The following ANAPC1 variants were observed in gnomAD, a reference collection of about 807,000 sequenced individuals.
The protein encoded by ANAPC1 is anaphase-promoting complex subunit 1.
ANAPC1 carries 36 observed loss-of-function variants against 208.0 expected under a neutral mutation model. The ratio of observed to expected loss-of-function variants is 0.17; its 90% CI spans 0.13 to 0.23. The LOEUF is 0.23. Among genes scored for constraint, ANAPC1 ranks in the 10% least tolerant of loss-of-function variants. The pLI, the probability that ANAPC1 is intolerant of heterozygous loss-of-function variation, is 1.00. For missense variants in ANAPC1, 942 were observed against 2,011.6 expected, an observed-to-expected ratio of 0.47 and a Z score of 10.17; for synonymous variants, 378 against 695.2, an observed-to-expected ratio of 0.54 and a Z score of 7.18.
chr2:111,846,928 C>T (rs1444295204), intron 16 of ANAPC1, among the ~76,000 whole-genome samples: 2 of 152,082 alleles, frequency 1.3e-5, no homozygotes, highest in Non-Finnish European at 2.9e-5. Flanking sequence ...CCTCAGGGAA[C>T]AGAACTAGCA....
chr2:111,820,244 A>G (rs1679452091), intron 26 of ANAPC1, among the ~76,000 whole-genome samples: 1 of 152,114 alleles, frequency 6.6e-6, no homozygotes, highest in Non-Finnish European at 1.5e-5. Flanking sequence ...CTATGTATTG[A>G]GCAGTATTCT....
At chr2:111,781,073 G>C (rs1164373951) in intron 43 of ANAPC1, among the ~76,000 whole-genome samples, 2 of 150,006 alleles carry the variant, frequency 1.3e-5, no homozygotes, top group African/African-American at 4.9e-5. Flanking sequence ...ACAATAAATT[G>C]TGTGCATTTT....
chr2:111,882,900 G>A (rs1239221304), intron 1 of ANAPC1, among the ~76,000 whole-genome samples: 1 of 152,066 alleles, frequency 6.6e-6, no homozygotes, highest in South Asian at 2.1e-4. Flanking sequence ...GGGCGTGGTG[G>A]CTCACGCCTG....
chr2:111,777,445 C>T (rs1677052727), intron 45 of ANAPC1, among the ~76,000 whole-genome samples: 1 of 151,362 alleles, frequency 6.6e-6, no homozygotes, highest in Non-Finnish European at 1.5e-5. Context: ...TAATACTGCC[C>T]TTGAGATCCA....
intron 47 of ANAPC1, chr2:111,771,089 C>T (rs1472864189): frequency 1.3e-5 from 2 of 150,868 alleles, no homozygotes; most frequent in African/African-American, 4.9e-5. Flanking sequence ...GTCAAGTCTG[C>T]TTGGAGTGAA....
At chr2:111,880,532 A>T in intron 2 of ANAPC1, 81 bp downstream of exon 2, 1 of 1,490,918 alleles carries the variant, frequency 6.7e-7, no homozygotes, top group Non-Finnish European at 8.9e-7. Flanking sequence ...CCGATCTCTC[A>T]GTTGCATCTT....
At chr2:111,868,290 T>TA (rs755984714) in intron 6 of ANAPC1, among the ~76,000 whole-genome samples, 194 bp from the exon 7 acceptor site, 2 of 152,170 alleles carry the variant, frequency 1.3e-5, no homozygotes, top group African/African-American at 2.4e-5. Context: ...TCTCTCCCCT[T>TA]AGAGTAATTC....
At position 111,825,086 on chromosome 2, in the gene ANAPC1, T is replaced by A. The variant is rs778473928; in HGVS notation, c.2741+45A>T. ...TATTAAGCAGAACAGTAAATAATAT[T>A]GTTTTAAGTGTTTGACATAAAAGCA... is the stretch of plus-strand genomic sequence containing the variant. On this transcript the variant is annotated intron_variant, in intron 23 of 47. Coordinates refer to ENST00000341068, the MANE Select transcript of ANAPC1 (RefSeq NM_022662.4). The A allele has an allele frequency of 1.9e-6, 3 of 1,613,856 alleles. No individual in the cohort carries two copies. The East Asian group carries it at 6.7e-5, about 36-fold the overall frequency.
intron 47 of ANAPC1, 76 bp downstream of exon 47, chr2:111,772,265 A>G: frequency 6.2e-7 from 1 of 1,609,538 alleles, no homozygotes. Context: ...AACTAGGGGC[A>G]GTAACTACTG....
At chr2:111,775,880 A>T (rs1281758054) in intron 46 of ANAPC1, among the ~76,000 whole-genome samples, 1 of 152,300 alleles carries the variant, frequency 6.6e-6, no homozygotes, top group African/African-American at 2.4e-5. Context: ...AAAAATTATG[A>T]AGCTATATGA....
rs1344051011 is a variant in ANAPC1, at chr2:111,873,317, T to C, written c.519A>G (p.Leu173=). The change falls in exon 5 of 48, where the codon TTA becomes TTG. Residue 173 remains leucine, a synonymous_variant. Transcript: ENST00000341068. ...SIEGKDYIAS[L]PFQVANVWPT... ...TGAAACACTTGTTTACCTGAAATGG[T>C]AATGAAGCTATGTAATCCTTTCCTT... 17 of 1,604,102 alleles carry C rather than the reference T, an allele frequency of 1.1e-5. No homozygotes were observed. Among genetic ancestry groups the C allele is most frequent in the Non-Finnish European group, 1.4e-5 (17 of 1,175,750 alleles).
intron 38 of ANAPC1, among the ~76,000 whole-genome samples, chr2:111,791,322 C>A (rs1177683583): frequency 1.3e-5 from 2 of 150,066 alleles, no homozygotes; most frequent in African/African-American, 4.9e-5. Flanking sequence ...TGGAACTTCA[C>A]ATCCTGCCCA....
intron 27 of ANAPC1, among the ~76,000 whole-genome samples, chr2:111,816,827 CTTAT>C (rs1248753250): frequency 7.7e-6 from 1 of 129,348 alleles, no homozygotes; most frequent in Non-Finnish European, 1.7e-5. Context: ...CAAAGTAAGA[CTTAT>C]TTGTCTTTAC....
At chr2:111,769,933 C>G (rs1341640273) in intron 47 of ANAPC1, among the ~76,000 whole-genome samples, 1 of 151,772 alleles carries the variant, frequency 6.6e-6, no homozygotes, top group Non-Finnish European at 1.5e-5. Flanking sequence ...CCGCCCGCCT[C>G]GGCCTCCCAA....
intron 7 of ANAPC1, among the ~76,000 whole-genome samples, chr2:111,865,199 G>T (rs547155950): frequency 2.0e-5 from 3 of 152,028 alleles, no homozygotes; most frequent in Admixed American, 6.6e-5. Context: ...GTTGCTAAAT[G>T]TTAAGATTTG....
intron 2 of ANAPC1, among the ~76,000 whole-genome samples, chr2:111,879,496 A>G (rs1683186747): frequency 6.6e-6 from 1 of 152,240 alleles, no homozygotes; most frequent in Non-Finnish European, 1.5e-5. Context: ...AGATTTTAGT[A>G]TCCCAAAGGG....
In ANAPC1 at chr2:111,772,492, T is replaced by C. The variant is rs758645643; in HGVS notation, c.5585-17A>G. Reference sequence around the variant, plus strand: ...CACCCCCGACTGTGAGAGAAACAAATGGAACGGAACCAACTGATGACAGAA... The same window carrying C: ...CACCCCCGACTGTGAGAGAAACAAACGGAACGGAACCAACTGATGACAGAA... On this transcript the variant is annotated splice_polypyrimidine_tract_variant and intron_variant, in intron 46 of 47. Coordinates refer to ENST00000341068, the MANE Select transcript of ANAPC1 (RefSeq NM_022662.4). 7 of 1,241,760 alleles carry C rather than the reference T, an allele frequency of 5.6e-6. No individual in the cohort carries two copies. Among genetic ancestry groups the C allele is most frequent in the East Asian group, 5.0e-5 (2 of 40,012 alleles). The allele number at this position is 1,241,760 out of a possible 1,614,324, so 76.9% of individuals were successfully genotyped here. A position where few individuals can be genotyped will look rare whatever the true frequency, so the allele number is the denominator to read the frequency against.
chr2:111,883,284 T>C (rs1284393203), intron 1 of ANAPC1, among the ~76,000 whole-genome samples: 1 of 151,982 alleles, frequency 6.6e-6, no homozygotes, highest in East Asian at 1.9e-4. Flanking sequence ...CTTTTGACTT[T>C]ATGAAACTTT....
Position 111,868,042 on chromosome 2 carries a change from T to G in ANAPC1, c.666A>C (p.Pro222=). 1 of 1,591,548 alleles carries G rather than the reference T, an allele frequency of 6.3e-7. No individual in the cohort carries two copies. The highest frequency in any genetic ancestry group is 8.5e-7 in the Non-Finnish European group (1 of 1,170,208). ...ACTTACTTCCAGATTTACAAACAAGTGGAGTTATTTCATCTAGTGGGTGCA... is the reference window on the plus strand; with the variant it reads ...ACTTACTTCCAGATTTACAAACAAGGGGAGTTATTTCATCTAGTGGGTGCA... The part of the protein sequence containing the change: ...SMLHPLDEIT[P]LVCKSGSLFG... The change falls in exon 7 of 48, where the codon CCA becomes CCC. Residue 222 remains proline (P), a synonymous_variant. Coordinates refer to ENST00000341068, the MANE Select transcript of ANAPC1 (RefSeq NM_022662.4).
Sources: gnomAD v4.1 joint callset for allele counts (sites outside exome capture counted in the v4.1 genomes callset) on GRCh38, gnomAD v4.1.1 for gene constraint, MANE v1.5 for transcripts, NCBI Gene and HGNC (gene_info 2026-07-23, HGNC 2026-07-21) for gene names.